EDIL3: variants seen among roughly 807,000 people sequenced by gnomAD.
The protein encoded by EDIL3 is EGF like and discoidin domains 3, also known as EGF-like repeat and discoidin I-like domain-containing protein 3.
In EDIL3, 37 loss-of-function variants were observed where a neutral mutation model predicts 67.4. The observed-to-expected ratio is 0.55, with a 90% CI of 0.42 to 0.72. The LOEUF (loss-of-function observed/expected upper bound fraction) is 0.72. Ranked by LOEUF, EDIL3 falls within the 30% of genes least tolerant of loss-of-function variation. The pLI is 0.00. For missense variants in EDIL3, 527 were observed against 586.3 expected, an observed-to-expected ratio of 0.90 and a Z score of 1.04; for synonymous variants, 195 against 196.3, an observed-to-expected ratio of 0.99 and a Z score of 0.05.
chr5:84,027,967 C>T (rs1022661226), intron 9 of EDIL3, among the ~76,000 whole-genome samples: 1 of 152,118 alleles, frequency 6.6e-6, no homozygotes, highest in African/African-American at 2.4e-5. Context: ...CTGTGGACAA[C>T]ACTGAATTCA....
intron 2 of EDIL3, among the ~76,000 whole-genome samples, chr5:84,233,971 C>T (rs1744631810): frequency 6.6e-6 from 1 of 152,168 alleles, no homozygotes. Flanking sequence ...AACCATGAAT[C>T]CTGACCTTTC....
At chr5:84,031,723 G>C (rs1283931591) in intron 9 of EDIL3, among the ~76,000 whole-genome samples, 1 of 152,210 alleles carries the variant, frequency 6.6e-6, no homozygotes, top group Non-Finnish European at 1.5e-5. Context: ...ATCTAGAAGA[G>C]TGAAAAGTAA....
intron 1 of EDIL3, among the ~76,000 whole-genome samples, chr5:84,337,279 G>T (rs1484284202): frequency 2.0e-5 from 3 of 152,140 alleles, no homozygotes; most frequent in African/African-American, 7.2e-5. Context: ...TTTATCTGTT[G>T]TATCTTAAGA....
chr5:84,350,087 A>G (rs553395048), intron 1 of EDIL3, among the ~76,000 whole-genome samples: 36 of 152,188 alleles, frequency 2.4e-4, no homozygotes, highest in African/African-American at 8.4e-4. Flanking sequence ...AGGCATCCTC[A>G]CCTCAAGATT....
At chr5:83,945,234 A>T (rs1744291419) in intron 10 of EDIL3, among the ~76,000 whole-genome samples, 1 of 151,998 alleles carries the variant, frequency 6.6e-6, no homozygotes, top group African/African-American at 2.4e-5. Flanking sequence ...CTATGTTACA[A>T]TGTCTCTGTT....
intron 1 of EDIL3, among the ~76,000 whole-genome samples, chr5:84,281,227 A>G (rs944184369): frequency 2.0e-5 from 3 of 152,186 alleles, no homozygotes; most frequent in Non-Finnish European, 2.9e-5. Context: ...AACAGAATTC[A>G]AAACATGACT....
At chr5:84,064,167 T>C (rs578238040) in intron 8 of EDIL3, among the ~76,000 whole-genome samples, 99 of 152,276 alleles carry the variant, frequency 6.5e-4, no homozygotes, top group African/African-American at 2.0e-3. Flanking sequence ...AATGAATTTA[T>C]ATTAGCAATC....
intron 3 of EDIL3, among the ~76,000 whole-genome samples, chr5:84,191,053 T>A (rs1266793115): frequency 6.6e-6 from 1 of 152,016 alleles, no homozygotes; most frequent in Non-Finnish European, 1.5e-5. Context: ...TAAATATCAG[T>A]AGCCCTTTTT....
At chr5:84,159,332 G>A (rs527766121) in intron 4 of EDIL3, among the ~76,000 whole-genome samples, 5 of 152,042 alleles carry the variant, frequency 3.3e-5, no homozygotes, top group East Asian at 3.9e-4. Flanking sequence ...AAATTTTATC[G>A]TGTTTCAAAA....
chr5:84,226,590 G>C lies in EDIL3; in HGVS notation c.226+3265C>G, dbSNP rs1274323036. 2.0e-5 allele frequency among the ~76,000 whole-genome samples: 3 copies of C among 151,764 alleles called. No homozygotes were observed. In the East Asian group the frequency reaches 5.8e-4, roughly 29 times the overall value. On this transcript the variant is annotated intron_variant, in intron 3 of 10. Coordinates refer to ENST00000296591, the MANE Select transcript of EDIL3 (RefSeq NM_005711.5). ...ATTTACTCTTTTTATTATATAGGTTGATAAAATTAAAAGGAAAACATTTGT... is the reference window on the plus strand; with the variant it reads ...ATTTACTCTTTTTATTATATAGGTTCATAAAATTAAAAGGAAAACATTTGT...
intron 1 of EDIL3, among the ~76,000 whole-genome samples, chr5:84,277,001 A>G (rs1279517142): frequency 6.6e-6 from 1 of 152,200 alleles, no homozygotes; most frequent in Non-Finnish European, 1.5e-5. Flanking sequence ...ATTACGCATA[A>G]TAATCACTAC....
At chr5:84,323,552 A>G (rs1312725311) in intron 1 of EDIL3, among the ~76,000 whole-genome samples, 3 of 151,928 alleles carry the variant, frequency 2.0e-5, no homozygotes, top group Non-Finnish European at 4.4e-5. Flanking sequence ...AATTACAGAA[A>G]TATATCCCTC....
intron 1 of EDIL3, among the ~76,000 whole-genome samples, chr5:84,297,585 G>A (rs1295753801): frequency 2.0e-5 from 3 of 152,174 alleles, no homozygotes; most frequent in Admixed American, 2.0e-4. Flanking sequence ...GTCAGTTTGA[G>A]AGAGAAAAGT....
chr5:84,275,455 AG>A (rs1222965629), intron 1 of EDIL3, among the ~76,000 whole-genome samples: 1 of 152,256 alleles, frequency 6.6e-6, no homozygotes, highest in African/African-American at 2.4e-5. Flanking sequence ...CAGCACAAGA[AG>A]GAAATTAGAG....
At chr5:84,154,951 C>T (rs1041382206) in intron 4 of EDIL3, among the ~76,000 whole-genome samples, 2 of 152,098 alleles carry the variant, frequency 1.3e-5, no homozygotes, top group African/African-American at 2.4e-5. Context: ...CCTCCTGCCT[C>T]GGCGTCCCAA....
At chr5:84,307,803 T>G (rs775096926) in intron 1 of EDIL3, among the ~76,000 whole-genome samples, 1 of 152,006 alleles carries the variant, frequency 6.6e-6, no homozygotes, top group Non-Finnish European at 1.5e-5. Flanking sequence ...CAGAAGAAAG[T>G]CTGGTCTCTA....
chr5:84,317,227 A>C (rs1186700272), intron 1 of EDIL3, among the ~76,000 whole-genome samples: 1 of 152,170 alleles, frequency 6.6e-6, no homozygotes, highest in Non-Finnish European at 1.5e-5. Context: ...AAACACATTC[A>C]AAAGCTAGCA....
chr5:84,022,336 T>C (rs1745732898), intron 9 of EDIL3, among the ~76,000 whole-genome samples: 1 of 151,906 alleles, frequency 6.6e-6, no homozygotes, highest in Admixed American at 6.6e-5. Context: ...TCTCAATAGA[T>C]GCAGAGAAAG....
intron 2 of EDIL3, 58 bp from the exon 3 acceptor site, chr5:84,229,942 G>A (rs929786026): frequency 9.9e-6 from 14 of 1,417,326 alleles, no homozygotes; most frequent in Non-Finnish European, 1.2e-5. Context: ...GAGGGAGAAG[G>A]GGGGAGAGAG....
Sources: allele counts gnomAD v4.1 joint callset (sites outside exome capture counted in the v4.1 genomes callset), GRCh38; gene constraint gnomAD v4.1.1; transcripts MANE v1.5; gene names NCBI Gene and HGNC (gene_info 2026-07-23, HGNC 2026-07-21).